AZI2: variants seen among roughly 807,000 people sequenced by gnomAD.
AZI2 encodes the protein 5-azacytidine induced 2.
In AZI2, 22 loss-of-function variants were observed where a neutral mutation model predicts 45.8. The ratio of observed to expected loss-of-function variants is 0.48; its 90% CI spans 0.34 to 0.69. The LOEUF is 0.69. Ranked by LOEUF, AZI2 falls within the 30% of genes least tolerant of loss-of-function variation. AZI2 has a pLI of 0.01. For missense variants in AZI2, 417 were observed against 441.5 expected, an observed-to-expected ratio of 0.94 and a Z score of 0.50; for synonymous variants, 137 against 156.7, an observed-to-expected ratio of 0.87 and a Z score of 0.94.
In AZI2 at chr3:28,322,861, ACTGT is replaced by A. The variant is rs1029086392; in HGVS notation, c.*1177_*1180del. ...AGATATTGAGTTCAAGATATATGAA[ACTGT>A]CTATCAAAAAGGATAAAAGTCCTCC... On this transcript the variant is annotated 3_prime_UTR_variant, in exon 8 of 8. Coordinates refer to ENST00000479665, the MANE Select transcript of AZI2 (RefSeq NM_022461.5). 2.6e-5 allele frequency: 4 copies of A among 151,368 alleles called. No individual in the cohort carries two copies. The highest frequency in any genetic ancestry group is 2.1e-4 in the South Asian group (1 of 4,828). The allele number at this position is 151,368 out of a possible 1,614,324, so 9.4% of individuals were successfully genotyped here. A position where few individuals can be genotyped will look rare whatever the true frequency, so the allele number is the denominator to read the frequency against.
chr3:28,331,103 A>G (rs1411892832), intron 6 of AZI2, among the ~76,000 whole-genome samples: 1 of 151,296 alleles, frequency 6.6e-6, no homozygotes, highest in African/African-American at 2.4e-5. Context: ...CTTAGTGGAT[A>G]TGACCCAAAT....
rs1224571903 is a variant in AZI2, at chr3:28,334,399, T to C, written c.589-1972A>G. ...CTGAAACAAGATTTGAAAGTATGCA[T>C]CAAGATTTCAACTTGGAATCCTTGA... On this transcript the variant is annotated intron_variant, in intron 5 of 7. Coordinates refer to ENST00000479665, the MANE Select transcript of AZI2 (RefSeq NM_022461.5). 2.6e-5 allele frequency among the ~76,000 whole-genome samples: 4 copies of C among 151,956 alleles called. No homozygotes were observed. In the East Asian group the frequency reaches 7.7e-4, roughly 29 times the overall value.
intron 1 of AZI2, among the ~76,000 whole-genome samples, chr3:28,344,438 G>A (rs1040911042): frequency 1.3e-5 from 2 of 152,006 alleles, no homozygotes; most frequent in Non-Finnish European, 2.9e-5. Flanking sequence ...TGTTAGCAAA[G>A]TAAAAAGTAG....
chr3:28,329,511 T>G (rs1459203578), intron 6 of AZI2, among the ~76,000 whole-genome samples: 2 of 151,192 alleles, frequency 1.3e-5, no homozygotes, highest in Non-Finnish European at 3.0e-5. Flanking sequence ...GGAGTACATG[T>G]CCTGCTTACA....
chr3:28,339,987 G>A (rs1413558516), intron 2 of AZI2, among the ~76,000 whole-genome samples: 1 of 151,982 alleles, frequency 6.6e-6, no homozygotes, highest in Admixed American at 6.6e-5. Context: ...AAAGAATGTT[G>A]AAGTAAAGAT....
Position 28,324,009 on chromosome 3 carries a change from G to A in AZI2, c.*33C>T, listed in dbSNP as rs1339410621. ...GGGAGGACCACTGAAAGAGATAAGT[G>A]TCCTCATGGTGAAATCGTGAATCTC... is the stretch of plus-strand genomic sequence containing the variant. On this transcript the variant is annotated 3_prime_UTR_variant, in exon 8 of 8. Transcript: ENST00000479665. 5 of 1,559,314 alleles carry A rather than the reference G, an allele frequency of 3.2e-6. No homozygotes were observed. Among genetic ancestry groups the A allele is most frequent in the East Asian group, 2.3e-5 (1 of 44,308 alleles).
chr3:28,345,388 C>T (rs1704183036), intron 1 of AZI2, among the ~76,000 whole-genome samples: 1 of 152,082 alleles, frequency 6.6e-6, no homozygotes, highest in African/African-American at 2.4e-5. Flanking sequence ...CATTCATCAT[C>T]TCATCACAAT....
chr3:28,340,468 T>G lies in AZI2; in HGVS notation c.150A>C (p.Lys50Asn), dbSNP rs1703968730. 6.2e-7 allele frequency: 1 copy of G among 1,612,710 alleles called. No homozygotes were observed. The highest frequency in any genetic ancestry group is 8.5e-7 in the Non-Finnish European group (1 of 1,179,080). ...TCTCTTTCTCTGAATCCTTAAGTCG[T>G]TTTTTGATGTCTTCATATGCAGTGA... ...ALVTAYEDIK[K>N]RLKDSEKENS... The change falls in exon 2 of 8, where the codon AAA (lysine) becomes AAC (asparagine). Residue 50 changes from lysine to asparagine, a missense_variant. By Grantham distance (94) the Lys-to-Asn change is moderately conservative. Coordinates refer to ENST00000479665, the MANE Select transcript of AZI2 (RefSeq NM_022461.5).
At chr3:28,344,080 C>T (rs540860882) in intron 1 of AZI2, among the ~76,000 whole-genome samples, 38 of 151,952 alleles carry the variant, frequency 2.5e-4, no homozygotes, top group South Asian at 4.2e-4. Flanking sequence ...TTAGAATACG[C>T]GGAAAAGCAG....
rs1703863221 is a variant in AZI2 at position 28,338,007 on chromosome 3, T to C, written c.369A>G (p.Val123=). 1 of 1,594,934 alleles carries C rather than the reference T, an allele frequency of 6.3e-7. No homozygotes were observed. Among genetic ancestry groups the C allele is most frequent in the Non-Finnish European group, 8.5e-7 (1 of 1,169,774 alleles). Residue 123 remains valine, a synonymous_variant, in exon 4 of 8, where the codon GTA becomes GTG. Coordinates refer to ENST00000479665, the MANE Select transcript of AZI2 (RefSeq NM_022461.5). ...CTTTAGATTGTAGCTGCTCATTCAA[T>C]ACTTTCAAAGATTCAGAGTTGTCTT... ...MNKDNSESLK[V]LNEQLQSKEV...
intron 3 of AZI2, 79 bp from the exon 4 acceptor site, chr3:28,338,115 G>GA (rs2125657320): frequency 5.6e-6 from 4 of 716,904 alleles, no homozygotes; most frequent in East Asian, 3.1e-5. Context: ...GGAAGATACT[G>GA]AAAAAAACAC....
rs760282695 is a variant in AZI2 at position 28,321,189 on chromosome 3, A to C, written c.*2853T>G. ...AAGCAAATATAGAAATCTAGAGACC[A>C]CACAGCATAGGGGCAAACATGCCCA... is the stretch of plus-strand genomic sequence containing the variant. On this transcript the variant is annotated 3_prime_UTR_variant, in exon 8 of 8. Coordinates refer to ENST00000479665, the MANE Select transcript of AZI2 (RefSeq NM_022461.5). 1.6e-4 allele frequency: 24 copies of C among 151,462 alleles called. No homozygotes were observed. The highest frequency in any genetic ancestry group is 2.2e-4 in the Non-Finnish European group (15 of 67,590). 9.4% of individuals were successfully genotyped at this position (151,462 alleles called of 1,614,324 possible).
intron 6 of AZI2, among the ~76,000 whole-genome samples, chr3:28,330,175 G>A (rs1703521636): frequency 6.6e-6 from 1 of 151,058 alleles, no homozygotes; most frequent in South Asian, 2.1e-4. Flanking sequence ...CAGGACACTG[G>A]CAAGACATTG....
At chr3:28,341,482 A>C (rs1704014707) in intron 1 of AZI2, 1 of 152,046 alleles carries the variant, frequency 6.6e-6, no homozygotes, top group African/African-American at 2.4e-5. Context: ...TCAAACTCTG[A>C]CTCCAAAACC....
intron 1 of AZI2, among the ~76,000 whole-genome samples, chr3:28,346,570 G>A (rs1033902696): frequency 2.1e-5 from 3 of 143,172 alleles, no homozygotes; most frequent in African/African-American, 7.5e-5. Flanking sequence ...ACTGAAGTTT[G>A]AATCAAGGCC....
intron 6 of AZI2, among the ~76,000 whole-genome samples, chr3:28,327,672 G>A (rs1703433928): frequency 6.6e-6 from 1 of 150,964 alleles, no homozygotes; most frequent in South Asian, 2.1e-4. Context: ...TATAATTAGT[G>A]ATTTTAAATC....
rs1201555868 is a variant in AZI2, at chr3:28,324,307, C to T, written c.914G>A (p.Gly305Glu). The change falls in exon 8 of 8, where the codon GGA becomes GAA. Residue 305 changes from glycine to glutamate, a missense_variant. Coordinates refer to ENST00000479665, the MANE Select transcript of AZI2 (RefSeq NM_022461.5). ...TTTCTCTGATAAAACCTTTACATCT[C>T]CTGGTAAAGGGGAAGATGTGGTATG... ...LCHTTSSPLP[G>E]DVKVLSEKAI... is the part of the protein sequence containing the mutation. The T allele has an allele frequency of 3.1e-6, 5 of 1,606,812 alleles. No homozygotes were observed. The African/African-American group carries it at 4.0e-5, about 13-fold the overall frequency.
At chr3:28,337,409 T>C (rs1358886226) in intron 4 of AZI2, among the ~76,000 whole-genome samples, 2 of 152,150 alleles carry the variant, frequency 1.3e-5, no homozygotes, top group Admixed American at 6.6e-5. Context: ...CTCAATCTCC[T>C]ATCAGAAGGT....
chr3:28,326,752 G>C (rs897907216), intron 7 of AZI2, 80 bp downstream of exon 7: 1 of 1,062,700 alleles, frequency 9.4e-7, no homozygotes, highest in East Asian at 2.4e-5. Flanking sequence ...CATTTGATGA[G>C]ATTTTGATAA....
Sources: gnomAD v4.1 joint callset for allele counts (sites outside exome capture counted in the v4.1 genomes callset) on GRCh38, gnomAD v4.1.1 for gene constraint, MANE v1.5 for transcripts, NCBI Gene and HGNC (gene_info 2026-07-23, HGNC 2026-07-21) for gene names.